The following MSRB3 variants were observed in gnomAD, a reference collection of about 807,000 sequenced individuals.
The protein encoded by MSRB3 is methionine sulfoxide reductase B3, also known as methionine-R-sulfoxide reductase B3.
In MSRB3, 13 loss-of-function variants were observed where a neutral mutation model predicts 21.0. That is an observed-to-expected ratio of 0.62 (90% CI 0.40 to 0.98). MSRB3 has a LOEUF of 0.98. Among genes scored for constraint, MSRB3 ranks in the 50% least tolerant of loss-of-function variants. The pLI, the probability that MSRB3 is intolerant of heterozygous loss-of-function variation, is 0.00. For synonymous variants in MSRB3, 87 were observed against 88.6 expected (o/e 0.98, Z 0.10); for missense variants, 199 against 230.3 (o/e 0.86, Z 0.88).
chr12:65,300,426 T>C (rs1427395049), intron 1 of MSRB3, among the ~76,000 whole-genome samples: 2 of 152,222 alleles, frequency 1.3e-5, no homozygotes, highest in African/African-American at 4.8e-5. Context: ...TATAGACTTT[T>C]GGAAGTGGTC....
chr12:65,454,064 A>G lies in MSRB3; in HGVS notation c.390+239A>G, dbSNP rs1028338384. The G allele has an allele frequency of 1.1e-5, 7 of 635,252 alleles. No homozygotes were observed. The African/African-American group carries it at 1.3e-4, about 12-fold the overall frequency. 39.4% of individuals were successfully genotyped at this position (635,252 alleles called of 1,614,324 possible). A position where few individuals can be genotyped will look rare whatever the true frequency, so the allele number is the denominator to read the frequency against. On this transcript the variant is annotated intron_variant, in intron 6 of 6. Transcript: ENST00000308259. ...TTGAGAGGGCCAAGTGGGGAGGATC[A>G]CTTGAGGCCAGAAGTTCAAGACGAG...
At chr12:65,446,614 T>C (rs1255138497) in intron 5 of MSRB3, among the ~76,000 whole-genome samples, 2 of 151,882 alleles carry the variant, frequency 1.3e-5, no homozygotes, top group African/African-American at 4.8e-5. Flanking sequence ...ATCTTTAAAA[T>C]GAGAGTAAGA....
chr12:65,429,145 A>G (rs2136659757), intron 5 of MSRB3, among the ~76,000 whole-genome samples: 1 of 152,306 alleles, frequency 6.6e-6, no homozygotes, highest in South Asian at 2.1e-4. Flanking sequence ...GAGTTACTAA[A>G]CAAGGAAACA....
intron 5 of MSRB3, among the ~76,000 whole-genome samples, chr12:65,429,305 A>G (rs1053988026): frequency 6.6e-6 from 1 of 152,134 alleles, no homozygotes; most frequent in African/African-American, 2.4e-5. Flanking sequence ...AAGCCTACTG[A>G]GGAGGTGATA....
intron 4 of MSRB3, among the ~76,000 whole-genome samples, chr12:65,345,230 A>T (rs1298847827): frequency 6.6e-6 from 1 of 152,118 alleles, no homozygotes; most frequent in African/African-American, 2.4e-5. Flanking sequence ...AGTCTTCCCC[A>T]AAGTGTGTTC....
At chr12:65,386,695 C>A (rs1879212311) in intron 5 of MSRB3, among the ~76,000 whole-genome samples, 1 of 151,314 alleles carries the variant, frequency 6.6e-6, no homozygotes, top group African/African-American at 2.4e-5. Context: ...TCTTTTTTTT[C>A]TTTAAGAGTA....
intron 2 of MSRB3, among the ~76,000 whole-genome samples, chr12:65,310,472 A>G (rs1873922079): frequency 6.6e-6 from 1 of 152,186 alleles, no homozygotes; most frequent in Admixed American, 6.6e-5. Context: ...TATACCGTAC[A>G]TATCACAGGT....
chr12:65,301,579 A>C (rs1331281479), intron 1 of MSRB3, among the ~76,000 whole-genome samples: 1 of 152,196 alleles, frequency 6.6e-6, no homozygotes, highest in East Asian at 1.9e-4. Context: ...CGGTGAACCA[A>C]TGTTTTCCAA....
chr12:65,311,009 A>C (rs1287023860), intron 2 of MSRB3, among the ~76,000 whole-genome samples: 1 of 152,208 alleles, frequency 6.6e-6, no homozygotes, highest in African/African-American at 2.4e-5. Context: ...TTCAATATGG[A>C]AATTCATGTA....
intron 5 of MSRB3, 70 bp from the exon 6 acceptor site, chr12:65,453,657 TA>T: frequency 8.8e-7 from 1 of 1,138,278 alleles, no homozygotes; most frequent in Non-Finnish European, 1.3e-6. Flanking sequence ...AGTATTTCTT[TA>T]AAATGCATTC....
rs963869298 is a variant in MSRB3 at position 65,289,958 on chromosome 12, T to C, written c.-52+11093T>C. 2.0e-5 allele frequency among the ~76,000 whole-genome samples: 3 copies of C among 152,238 alleles called. No individual in the cohort carries two copies. The South Asian group carries it at 6.2e-4, about 31-fold the overall frequency. On this transcript the variant is annotated intron_variant, in intron 1 of 6. Transcript: ENST00000308259. Reference sequence around the variant, plus strand: ...CAAAATTATGTTTATGTTATCTATATTGGTGTATATAACTCATCTTTCTAA... The same window carrying C: ...CAAAATTATGTTTATGTTATCTATACTGGTGTATATAACTCATCTTTCTAA...
chr12:65,435,093 G>A (rs1353442991), intron 5 of MSRB3, among the ~76,000 whole-genome samples: 1 of 151,854 alleles, frequency 6.6e-6, no homozygotes, highest in African/African-American at 2.4e-5. Context: ...TACCACATAT[G>A]TGCTTTGAAT....
chr12:65,341,616 G>A (rs561961772), intron 4 of MSRB3, among the ~76,000 whole-genome samples: 18 of 151,594 alleles, frequency 1.2e-4, no homozygotes, highest in South Asian at 4.2e-4. Context: ...TAATGACCCC[G>A]ATGTGGTAAT....
intron 4 of MSRB3, among the ~76,000 whole-genome samples, chr12:65,340,420 A>G (rs2136472051): frequency 6.6e-6 from 1 of 152,304 alleles, no homozygotes; most frequent in South Asian, 2.1e-4. Flanking sequence ...ATGGGAAAGC[A>G]ATATTTGAAG....
chr12:65,378,012 A>G (rs1878729645), intron 5 of MSRB3, among the ~76,000 whole-genome samples: 1 of 152,208 alleles, frequency 6.6e-6, no homozygotes, highest in Admixed American at 6.5e-5. Flanking sequence ...ATCCTAGAAT[A>G]TCTTCATTGG....
rs1346833881 is a variant in MSRB3 at position 65,466,672 on chromosome 12, A to G, written c.*3350A>G. 1 of 152,220 alleles carries G rather than the reference A, an allele frequency of 6.6e-6. No homozygotes were observed. The highest frequency in any genetic ancestry group is 6.5e-5 in the Admixed American group (1 of 15,282). 9.4% of individuals were successfully genotyped at this position (152,220 alleles called of 1,614,324 possible). On this transcript the variant is annotated 3_prime_UTR_variant, in exon 7 of 7. Coordinates refer to ENST00000308259, the MANE Select transcript of MSRB3 (RefSeq NM_001031679.3). ...TAATGCAAATGACGTAGCAATTTGA[A>G]AACTTCTCCGTATTACTTGTGTTTA...
chr12:65,391,587 T>C (rs757796581), intron 5 of MSRB3, among the ~76,000 whole-genome samples: 1 of 152,194 alleles, frequency 6.6e-6, no homozygotes, highest in Non-Finnish European at 1.5e-5. Context: ...TATCAAATAA[T>C]GGCCAGTAAG....
chr12:65,443,790 C>G (rs56160102), intron 5 of MSRB3, among the ~76,000 whole-genome samples: 27,260 of 151,886 alleles, frequency 0.18, 2,937 homozygotes, highest in Admixed American at 0.25. Context: ...CAACCATCAC[C>G]ACCATCCAAC....
intron 4 of MSRB3, among the ~76,000 whole-genome samples, chr12:65,336,976 G>T (rs540976157): frequency 3.0e-4 from 45 of 152,332 alleles, no homozygotes; most frequent in African/African-American, 9.4e-4. Context: ...GGGCGCGGTG[G>T]CTCACGCCTG....
Sources: allele counts gnomAD v4.1 joint callset (sites outside exome capture counted in the v4.1 genomes callset), GRCh38; gene constraint gnomAD v4.1.1; transcripts MANE v1.5; gene names NCBI Gene and HGNC (gene_info 2026-07-23, HGNC 2026-07-21).